Variants in ZFR observed in about 807,000 individuals in gnomAD.
ZFR encodes zinc finger RNA binding protein.
A neutral mutation model predicts 130.7 loss-of-function variants in ZFR; 19 were observed. That is an observed-to-expected ratio of 0.15 (90% CI 0.10 to 0.21). ZFR has a LOEUF of 0.21. ZFR is among the 10% of genes least tolerant of loss of function. The pLI is 1.00. For synonymous variants in ZFR, 466 were observed against 456.9 expected (o/e 1.02, Z -0.25); for missense variants, 872 against 1,321.5 (o/e 0.66, Z 5.27).
chr5:32,373,132 C>T (rs575485571), intron 17 of ZFR, among the ~76,000 whole-genome samples: 17 of 152,266 alleles, frequency 1.1e-4, no homozygotes, highest in South Asian at 6.2e-4. Flanking sequence ...CCGTGGCTCA[C>T]GCCTGTAATC....
intron 3 of ZFR, 47 bp from the exon 4 acceptor site, chr5:32,417,839 G>A (rs1458142607): frequency 2.5e-6 from 4 of 1,577,910 alleles, no homozygotes; most frequent in East Asian, 4.5e-5. Flanking sequence ...ACAAGTGGAA[G>A]GAAAAAAATA....
chr5:32,438,284 A>T (rs1431363109), intron 2 of ZFR, among the ~76,000 whole-genome samples: 2 of 51,052 alleles, frequency 3.9e-5, no homozygotes, highest in Non-Finnish European at 4.1e-5. Context: ...TTTTTTTGAG[A>T]CGGAGTTTCA....
At chr5:32,405,454 G>A (rs1308884263) in intron 6 of ZFR, among the ~76,000 whole-genome samples, 1 of 152,126 alleles carries the variant, frequency 6.6e-6, no homozygotes, top group African/African-American at 2.4e-5. Context: ...AATACCTGTG[G>A]CCTGTTCTTT....
intron 2 of ZFR, among the ~76,000 whole-genome samples, chr5:32,440,753 T>G (rs184826101): frequency 1.7e-4 from 26 of 152,084 alleles, no homozygotes; most frequent in Non-Finnish European, 2.9e-4. Flanking sequence ...AATTGTCTAA[T>G]ATGCATGAAC....
intron 8 of ZFR, 50 bp from the exon 9 acceptor site, chr5:32,400,253 A>G: frequency 7.5e-7 from 1 of 1,325,252 alleles, no homozygotes; most frequent in Non-Finnish European, 9.9e-7. Context: ...GTATAAATAT[A>G]TATACCTGAT....
chr5:32,360,559 A>C (rs1483170974), intron 19 of ZFR, among the ~76,000 whole-genome samples: 1 of 152,128 alleles, frequency 6.6e-6, no homozygotes, highest in East Asian at 1.9e-4. Context: ...TTGTTTATTC[A>C]CCCATTCATC....
intron 4 of ZFR, 80 bp downstream of exon 4, chr5:32,417,567 CA>C: frequency 6.4e-7 from 1 of 1,567,676 alleles, no homozygotes; most frequent in Non-Finnish European, 8.7e-7. Flanking sequence ...TAGATGGACT[CA>C]AAAGCTTATC....
At chr5:32,403,494 T>C in intron 7 of ZFR, 97 bp from the exon 8 acceptor site, 2 of 1,435,332 alleles carry the variant, frequency 1.4e-6, no homozygotes, top group South Asian at 2.8e-5. Context: ...ACCATGCTTT[T>C]CTTTGTTGTA....
intron 15 of ZFR, among the ~76,000 whole-genome samples, chr5:32,382,138 C>T (rs1752947650): frequency 6.6e-6 from 1 of 152,074 alleles, no homozygotes; most frequent in South Asian, 2.1e-4. Flanking sequence ...TCCATTCCTA[C>T]TCAAAAATAC....
In ZFR at chr5:32,354,512, C is replaced by T. The variant is rs1477541569; in HGVS notation, c.*1248G>A. 2 of 152,596 alleles carry T rather than the reference C, an allele frequency of 1.3e-5. No homozygotes were observed. Among genetic ancestry groups the T allele is most frequent in the Admixed American group, 1.3e-4 (2 of 15,284 alleles). The allele number at this position is 152,596 out of a possible 1,614,324, so 9.5% of individuals were successfully genotyped here. On this transcript the variant is annotated 3_prime_UTR_variant, in exon 20 of 20. Coordinates refer to ENST00000265069, the MANE Select transcript of ZFR (RefSeq NM_016107.5). ...ACAAAATGACATCTGTGTACCAGAGCATACATATATCAACAGTAAGATGTA... is the reference window on the plus strand; with the variant it reads ...ACAAAATGACATCTGTGTACCAGAGTATACATATATCAACAGTAAGATGTA...
rs745790540 is a variant in ZFR at position 32,400,037 on chromosome 5, C to T, written c.1683G>A (p.Val561=). 2.2e-5 allele frequency: 36 copies of T among 1,610,220 alleles called. No individual in the cohort carries two copies. The highest frequency in any genetic ancestry group is 3.4e-5 in the Admixed American group (2 of 59,444). The change falls in exon 9 of 20, where the codon GTG becomes GTA. Residue 561 remains valine, a synonymous_variant. Coordinates refer to ENST00000265069, the MANE Select transcript of ZFR (RefSeq NM_016107.5). ...PASLAALQSD[V]QPVGHDYVEE... ...CCACATAATCATGGCCCACTGGCTG[C>T]ACATCACTCTGTAAAGCAGCAAGAG...
At chr5:32,379,311 A>G in intron 16 of ZFR, 101 bp from the exon 17 acceptor site, 1 of 991,216 alleles carries the variant, frequency 1.0e-6, no homozygotes, top group Non-Finnish European at 1.6e-6. Context: ...GGAAGCTCAG[A>G]TAAAAACAAA....
rs1392735637 is a variant in ZFR, at chr5:32,444,508, C to T, written c.37+114G>A. 4 of 1,330,808 alleles carry T rather than the reference C, an allele frequency of 3.0e-6. No individual in the cohort carries two copies. The East Asian group carries it at 9.3e-5, about 31-fold the overall frequency. The allele number at this position is 1,330,808 out of a possible 1,614,324, so 82.4% of individuals were successfully genotyped here. A position where few individuals can be genotyped will look rare whatever the true frequency, so the allele number is the denominator to read the frequency against. ...CGCACTCCCTCACTCACTCGCACGC[C>T]CGGGTGGCGGCCGCCGCCTCCTCCC... On this transcript the variant is annotated intron_variant, in intron 1 of 19. Transcript: ENST00000265069.
Position 32,371,547 on chromosome 5 carries a change from A to G in ZFR, c.2836-7272T>C, listed in dbSNP as rs561710724. On this transcript the variant is annotated intron_variant, in intron 17 of 19. Coordinates refer to ENST00000265069, the MANE Select transcript of ZFR (RefSeq NM_016107.5). ...GATGACAGCTGATTCAACAAATCCC[A>G]AAAACTTCACCAATAACTTTCAATT... Among the ~76,000 whole-genome samples the G allele has an allele frequency of 2.0e-5, 3 of 152,366 alleles. No homozygotes were observed. The South Asian group carries it at 6.2e-4, about 32-fold the overall frequency.
At chr5:32,422,798 CAAAAAAAA>C (rs10693151) in intron 2 of ZFR, among the ~76,000 whole-genome samples, 8 of 24,006 alleles carry the variant, frequency 3.3e-4, no homozygotes, top group Admixed American at 9.1e-4. Context: ...AAACCTGTCT[CAAAAAAAA>C]AAAAAAAAAA....
intron 17 of ZFR, among the ~76,000 whole-genome samples, chr5:32,372,635 C>A (rs1752699141): frequency 6.6e-6 from 1 of 152,004 alleles, no homozygotes; most frequent in Admixed American, 6.6e-5. Context: ...GAGCTCGAGA[C>A]TAACCTGGCC....
chr5:32,359,767 G>A (rs975470325), intron 19 of ZFR, among the ~76,000 whole-genome samples: 2 of 152,152 alleles, frequency 1.3e-5, no homozygotes, highest in Non-Finnish European at 2.9e-5. Flanking sequence ...TGGCCAACAT[G>A]GTGAAACCCC....
chr5:32,374,676 A>G (rs34294504), intron 17 of ZFR, among the ~76,000 whole-genome samples: 1 of 145,296 alleles, frequency 6.9e-6, no homozygotes, highest in Non-Finnish European at 1.5e-5. Flanking sequence ...TGGCTAGTCT[A>G]ATCAATGACA....
At chr5:32,390,927 A>T (rs1753154441) in intron 11 of ZFR, among the ~76,000 whole-genome samples, 1 of 152,226 alleles carries the variant, frequency 6.6e-6, no homozygotes, top group Admixed American at 6.5e-5. Context: ...GTTGGGAATT[A>T]TGGTAAAGAA....
Sources: allele counts gnomAD v4.1 joint callset (sites outside exome capture counted in the v4.1 genomes callset), GRCh38; gene constraint gnomAD v4.1.1; transcripts MANE v1.5; gene names NCBI Gene and HGNC (gene_info 2026-07-23, HGNC 2026-07-21).